The following MYT1L variants were observed in gnomAD, a reference collection of about 807,000 sequenced individuals.
MYT1L encodes the protein myelin transcription factor 1-like protein.
A neutral mutation model predicts 126.7 loss-of-function variants in MYT1L; 12 were observed. The observed-to-expected ratio is 0.09, with a 90% CI of 0.06 to 0.15. The LOEUF (loss-of-function observed/expected upper bound fraction) is 0.15. MYT1L is among the 10% of genes least tolerant of loss of function. The pLI is 1.00. For synonymous variants in MYT1L, 541 were observed against 604.2 expected, an observed-to-expected ratio of 0.90 and a Z score of 1.53; for missense variants, 979 against 1,585.2, an observed-to-expected ratio of 0.62 and a Z score of 6.49.
intron 2 of MYT1L, among the ~76,000 whole-genome samples, chr2:2,238,735 G>A (rs73179727): frequency 0.012 from 1,894 of 152,334 alleles, 32 homozygotes; most frequent in African/African-American, 0.042. Flanking sequence ...AAAACGCTTT[G>A]TGCAATGCAA....
intron 2 of MYT1L, among the ~76,000 whole-genome samples, chr2:2,234,646 C>T (rs1285639916): frequency 6.6e-6 from 1 of 152,162 alleles, no homozygotes; most frequent in African/African-American, 2.4e-5. Context: ...AAACTGTAGT[C>T]CTTCCCCATG....
chr2:2,127,602 C>G (rs2081877788), intron 3 of MYT1L, among the ~76,000 whole-genome samples: 1 of 152,200 alleles, frequency 6.6e-6, no homozygotes, highest in African/African-American at 2.4e-5. Flanking sequence ...CTGACTTGCA[C>G]TAGCATCCCT....
At chr2:2,040,864 T>C (rs1355143929) in intron 4 of MYT1L, among the ~76,000 whole-genome samples, 2 of 152,230 alleles carry the variant, frequency 1.3e-5, no homozygotes, top group Non-Finnish European at 2.9e-5. Flanking sequence ...TTAACTGGTT[T>C]CTACTTTTCT....
At chr2:1,833,766 A>G (rs2148313992) in intron 21 of MYT1L, among the ~76,000 whole-genome samples, 1 of 152,360 alleles carries the variant, frequency 6.6e-6, no homozygotes, top group Admixed American at 6.5e-5. Context: ...AACCCTAAAG[A>G]TAAAATGTTT....
chr2:1,962,553 G>A (rs966704161), intron 8 of MYT1L, among the ~76,000 whole-genome samples: 2 of 152,090 alleles, frequency 1.3e-5, no homozygotes, highest in Admixed American at 6.5e-5. Context: ...TTCTCACATC[G>A]ATCGAGACTT....
intron 18 of MYT1L, among the ~76,000 whole-genome samples, chr2:1,864,593 C>T (rs889251632): frequency 3.3e-5 from 5 of 152,346 alleles, no homozygotes; most frequent in South Asian, 2.1e-4. Context: ...TTGCCTCCTG[C>T]GCAGAGCTGT....
At position 1,941,435 on chromosome 2, in the gene MYT1L, G is replaced by C. The variant is rs546733757; in HGVS notation, c.505+1547C>G. Among the ~76,000 whole-genome samples, 25 of 152,292 alleles carry C rather than the reference G, an allele frequency of 1.6e-4. 1 individual carries two copies. The South Asian group carries it at 4.8e-3, about 29-fold the overall frequency. Reference sequence around the variant, plus strand: ...CTCAAAATGACACTCACTTAATACAGTGTCCAGAAATAATTTGCCAGGTTG... The same window carrying C: ...CTCAAAATGACACTCACTTAATACACTGTCCAGAAATAATTTGCCAGGTTG... On this transcript the variant is annotated intron_variant, in intron 9 of 24. Transcript: ENST00000647738.
intron 3 of MYT1L, among the ~76,000 whole-genome samples, chr2:2,124,383 C>T (rs1200477216): frequency 6.6e-6 from 1 of 152,092 alleles, no homozygotes; most frequent in Non-Finnish European, 1.5e-5. Flanking sequence ...GCAACCTCTG[C>T]CTCCTGGGCT....
intron 4 of MYT1L, among the ~76,000 whole-genome samples, chr2:2,008,277 TTTGAG>T (rs2063513484): frequency 6.6e-6 from 1 of 152,240 alleles, no homozygotes; most frequent in African/African-American, 2.4e-5. Flanking sequence ...ATGAGGTTGA[TTTGAG>T]TTAATAACTC....
chr2:1,946,957 G>A (rs895050740), intron 8 of MYT1L, among the ~76,000 whole-genome samples: 4 of 152,140 alleles, frequency 2.6e-5, no homozygotes, highest in Non-Finnish European at 5.9e-5. Flanking sequence ...AGCTGTGCAC[G>A]GATGGCTCCT....
chr2:2,058,259 A>G (rs945183427), intron 3 of MYT1L, among the ~76,000 whole-genome samples: 6 of 152,138 alleles, frequency 3.9e-5, no homozygotes, highest in African/African-American at 1.4e-4. Context: ...TCTTTTGCCC[A>G]TTTTCTTACT....
Position 1,935,428 on chromosome 2 carries a change from G to A in MYT1L, c.505+7554C>T, listed in dbSNP as rs1010274628. 2.0e-5 allele frequency among the ~76,000 whole-genome samples: 3 copies of A among 152,254 alleles called. No individual in the cohort carries two copies. The South Asian group carries it at 6.2e-4, about 32-fold the overall frequency. ...TATACTTGCTGCGTGTGGGGAGGGG[G>A]TCATGGATGTTAGGTTCAGGGTTAC... On this transcript the variant is annotated intron_variant, in intron 9 of 24. Transcript: ENST00000647738.
intron 1 of MYT1L, among the ~76,000 whole-genome samples, chr2:2,298,915 C>T (rs901491075): frequency 2.8e-4 from 42 of 152,144 alleles, no homozygotes; most frequent in Admixed American, 2.4e-3. Flanking sequence ...TGCAGTGGCA[C>T]GATCTCGGCT....
chr2:2,124,662 G>C (rs2081461035), intron 3 of MYT1L, among the ~76,000 whole-genome samples: 1 of 152,174 alleles, frequency 6.6e-6, no homozygotes, highest in East Asian at 1.9e-4. Context: ...ATATCTCATT[G>C]ATTCTTTCTT....
intron 3 of MYT1L, among the ~76,000 whole-genome samples, chr2:2,156,651 A>C (rs947834457): frequency 6.6e-6 from 1 of 152,150 alleles, no homozygotes; most frequent in African/African-American, 2.4e-5. Flanking sequence ...CTGCTTTTTT[A>C]TATCTACGCT....
chr2:2,276,474 T>C (rs1231535579), intron 2 of MYT1L, among the ~76,000 whole-genome samples: 1 of 152,134 alleles, frequency 6.6e-6, no homozygotes, highest in Admixed American at 6.5e-5. Context: ...CACAAAGAAA[T>C]GGTTTCAGGA....
At chr2:2,117,788 G>C (rs2080416619) in intron 3 of MYT1L, among the ~76,000 whole-genome samples, 1 of 152,138 alleles carries the variant, frequency 6.6e-6, no homozygotes, top group Non-Finnish European at 1.5e-5. Flanking sequence ...CCACTAGATA[G>C]CAATGAGGAA....
chr2:1,824,870 G>A (rs913665727), intron 21 of MYT1L: 1 of 152,272 alleles, frequency 6.6e-6, no homozygotes, highest in Non-Finnish European at 1.5e-5. Flanking sequence ...AGAGAAAAAG[G>A]CATTTGCGTT....
At chr2:1,967,355 C>G (rs1373879040) in intron 8 of MYT1L, among the ~76,000 whole-genome samples, 1 of 152,170 alleles carries the variant, frequency 6.6e-6, no homozygotes, top group Non-Finnish European at 1.5e-5. Context: ...GGGGCAGTAC[C>G]CACCTGGCCT....
Sources: allele counts gnomAD v4.1 joint callset (sites outside exome capture counted in the v4.1 genomes callset), GRCh38; gene constraint gnomAD v4.1.1; transcripts MANE v1.5; gene names NCBI Gene and HGNC (gene_info 2026-07-23, HGNC 2026-07-21).